LRP1B: variants seen among roughly 807,000 people sequenced by gnomAD.
LRP1B encodes LDL receptor related protein 1B.
A neutral mutation model predicts 556.6 loss-of-function variants in LRP1B; 217 were observed. That is an observed-to-expected ratio of 0.39 (90% CI 0.35 to 0.44). LRP1B has a LOEUF of 0.44. Ranked by LOEUF, LRP1B falls within the 20% of genes least tolerant of loss-of-function variation. The pLI is 1.00. For missense variants in LRP1B, 5,053 were observed against 5,620.8 expected, an observed-to-expected ratio of 0.90 and a Z score of 3.23; for synonymous variants, 2,047 against 1,865.8, an observed-to-expected ratio of 1.10 and a Z score of -2.50.
chr2:140,386,331 C>T (rs1228777777), intron 66 of LRP1B, among the ~76,000 whole-genome samples: 4 of 152,118 alleles, frequency 2.6e-5, no homozygotes, highest in East Asian at 1.9e-4. Context: ...CCCAGCACTT[C>T]GGGAGGTTGT....
intron 52 of LRP1B, among the ~76,000 whole-genome samples, chr2:140,509,492 T>C (rs915880016): frequency 5.3e-5 from 8 of 152,118 alleles, no homozygotes; most frequent in Non-Finnish European, 7.4e-5. Context: ...ATAGGACTAA[T>C]AGGTGTTTAC....
chr2:141,123,807 T>C (rs542119520), intron 7 of LRP1B, among the ~76,000 whole-genome samples: 27 of 152,036 alleles, frequency 1.8e-4, no homozygotes, highest in Non-Finnish European at 3.2e-4. Context: ...AACTGTCCTT[T>C]GCTCTTTCCC....
rs144999823 is a variant in LRP1B, at chr2:140,813,323, C to A, written c.5359+334G>T. ...TTAAATGGAGATAAGCCAGGTTTGACTTTATTGTGACAAATGCACTAGGCC... is the reference window on the plus strand; with the variant it reads ...TTAAATGGAGATAAGCCAGGTTTGAATTTATTGTGACAAATGCACTAGGCC... On this transcript the variant is annotated intron_variant, in intron 32 of 90. Transcript: ENST00000389484. Among the ~76,000 whole-genome samples, 33 of 152,276 alleles carry A rather than the reference C, an allele frequency of 2.2e-4. No homozygotes were observed. The East Asian group carries it at 6.2e-3, about 28-fold the overall frequency.
At chr2:141,091,958 G>C (rs1442742168) in intron 7 of LRP1B, among the ~76,000 whole-genome samples, 2 of 152,000 alleles carry the variant, frequency 1.3e-5, no homozygotes, top group African/African-American at 4.8e-5. Context: ...CAAAAATTGG[G>C]TAAATATCTT....
intron 41 of LRP1B, among the ~76,000 whole-genome samples, chr2:140,667,907 C>T (rs1373683967): frequency 3.3e-5 from 5 of 152,072 alleles, no homozygotes; most frequent in African/African-American, 1.2e-4. Flanking sequence ...TTGGGGGTCT[C>T]CTTTATGAGG....
At chr2:142,090,834 A>T (rs150560243) in intron 1 of LRP1B, among the ~76,000 whole-genome samples, 1 of 152,280 alleles carries the variant, frequency 6.6e-6, no homozygotes, top group African/African-American at 2.4e-5. Context: ...ATTACAGTTC[A>T]GTTATGTGCA....
At chr2:140,913,663 A>G (rs1356080937) in intron 21 of LRP1B, among the ~76,000 whole-genome samples, 2 of 152,002 alleles carry the variant, frequency 1.3e-5, no homozygotes, top group Non-Finnish European at 2.9e-5. Context: ...AGATAGTAGA[A>G]GAGAATCAGT....
intron 83 of LRP1B, among the ~76,000 whole-genome samples, chr2:140,313,336 C>T (rs1047896596): frequency 6.6e-6 from 1 of 151,654 alleles, no homozygotes; most frequent in South Asian, 2.1e-4. Flanking sequence ...CAGACAAAAT[C>T]GAACTACAGA....
rs374408244 is a variant in LRP1B, at chr2:140,848,227, T to C, written c.4939+1875A>G. Among the ~76,000 whole-genome samples, 40 of 152,328 alleles carry C rather than the reference T, an allele frequency of 2.6e-4. No individual in the cohort carries two copies. In the East Asian group the frequency reaches 3.7e-3, roughly 14 times the overall value. On this transcript the variant is annotated intron_variant, in intron 29 of 90. Coordinates refer to ENST00000389484, the MANE Select transcript of LRP1B (RefSeq NM_018557.3). Reference sequence around the variant, plus strand: ...TTTAATGACATTTCATCAGTCATTATTGTTCTTTTTAATCCAGTCTAACAA... The same window carrying C: ...TTTAATGACATTTCATCAGTCATTACTGTTCTTTTTAATCCAGTCTAACAA...
chr2:142,129,867 C>T (rs549266553), intron 1 of LRP1B, among the ~76,000 whole-genome samples: 1 of 152,050 alleles, frequency 6.6e-6, no homozygotes, highest in East Asian at 1.9e-4. Context: ...TATAGAATCC[C>T]GGCTTTTTCT....
chr2:141,970,571 A>G (rs1433613772), intron 1 of LRP1B, among the ~76,000 whole-genome samples: 1 of 151,532 alleles, frequency 6.6e-6, no homozygotes, highest in Non-Finnish European at 1.5e-5. Context: ...CAGTTATTTA[A>G]TATTATGAAA....
intron 10 of LRP1B, among the ~76,000 whole-genome samples, chr2:141,052,470 T>C (rs958627430): frequency 4.6e-5 from 7 of 152,058 alleles, no homozygotes; most frequent in Non-Finnish European, 1.0e-4. Context: ...AGCAACATAA[T>C]ATAGTCGGCT....
At chr2:141,393,437 A>G (rs1279214077) in intron 3 of LRP1B, among the ~76,000 whole-genome samples, 2 of 152,136 alleles carry the variant, frequency 1.3e-5, no homozygotes, top group African/African-American at 4.8e-5. Flanking sequence ...TCCCAGGCCC[A>G]ATTAGCATTT....
At chr2:140,693,978 G>A (rs900577589) in intron 41 of LRP1B, among the ~76,000 whole-genome samples, 2 of 152,136 alleles carry the variant, frequency 1.3e-5, no homozygotes, top group African/African-American at 2.4e-5. Flanking sequence ...AGAGTGCCGG[G>A]ATTACAGGCA....
At chr2:141,605,257 A>T (rs561835223) in intron 2 of LRP1B, among the ~76,000 whole-genome samples, 15 of 152,306 alleles carry the variant, frequency 9.8e-5, no homozygotes, top group African/African-American at 3.1e-4. Context: ...ATAAAAAACA[A>T]AAGGAAGAAA....
In LRP1B at chr2:141,334,855, T is replaced by C. The variant is rs954597380; in HGVS notation, c.344-80214A>G. Among the ~76,000 whole-genome samples, 9 of 152,086 alleles carry C rather than the reference T, an allele frequency of 5.9e-5. 1 individual carries two copies. On this transcript the variant is annotated intron_variant, in intron 3 of 90. Coordinates refer to ENST00000389484, the MANE Select transcript of LRP1B (RefSeq NM_018557.3). ...GCATGACCCACCATGCCCGGCCCAG[T>C]ACATAATATTTTTTTAAAAAGACAG... is the stretch of plus-strand genomic sequence containing the variant.
intron 1 of LRP1B, among the ~76,000 whole-genome samples, chr2:141,940,623 T>C (rs1558975108): frequency 6.6e-6 from 1 of 152,188 alleles, no homozygotes; most frequent in Non-Finnish European, 1.5e-5. Flanking sequence ...CCGGTTTCCT[T>C]AGGAGGAGAA....
chr2:141,150,869 TTGTGTGTGTGTGTGTGTGTGTG>T (rs56107003), intron 7 of LRP1B, among the ~76,000 whole-genome samples: 1 of 138,626 alleles, frequency 7.2e-6, no homozygotes, highest in Non-Finnish European at 1.5e-5. Flanking sequence ...TCATGCTGGT[TTGTGTGTGTGTGTGTGTGTGTG>T]TGTGTGTGTG....
At chr2:140,327,779 C>T (rs1368853835) in intron 79 of LRP1B, among the ~76,000 whole-genome samples, 1 of 151,996 alleles carries the variant, frequency 6.6e-6, no homozygotes, top group Non-Finnish European at 1.5e-5. Flanking sequence ...AAAAAGGTCT[C>T]AAAAGTGTCA....
Sources: gnomAD v4.1 joint callset for allele counts (sites outside exome capture counted in the v4.1 genomes callset) on GRCh38, gnomAD v4.1.1 for gene constraint, MANE v1.5 for transcripts, NCBI Gene and HGNC (gene_info 2026-07-23, HGNC 2026-07-21) for gene names.